CMTM4: variants seen among roughly 807,000 people sequenced by gnomAD.
CMTM4 encodes the protein CKLF-like MARVEL transmembrane domain-containing protein 4.
Under a neutral mutation model 19.0 loss-of-function variants are expected in CMTM4, and 8 were observed. The observed-to-expected ratio is 0.42, with a 90% CI of 0.25 to 0.76. The LOEUF (loss-of-function observed/expected upper bound fraction) is 0.76, where lower values mean the gene tolerates loss of function less well. CMTM4 is among the 30% of genes least tolerant of loss of function. The probability of loss-of-function intolerance (pLI) is 0.27; values close to 1 mark genes in which losing one functional copy is unlikely to be tolerated. For missense variants in CMTM4, 228 were observed against 290.2 expected, an observed-to-expected ratio of 0.79 and a Z score of 1.56; for synonymous variants, 106 against 121.1, an observed-to-expected ratio of 0.88 and a Z score of 0.82.
At chr16:66,610,090 G>A, downstream of CMTM4, 2 of 1,532,064 alleles carry the variant, frequency 1.3e-6, no homozygotes, top group Non-Finnish European at 1.8e-6. The surrounding 1 kb of genome is among the most constrained non-coding windows in gnomAD (Gnocchi z 4.6). Flanking sequence ...GGCTGGGGTG[G>A]GATCATTTCC....
the CMTM4 span, among the ~76,000 whole-genome samples, chr16:66,603,132 G>A: frequency 1.3e-5 from 2 of 152,172 alleles, no homozygotes; most frequent in Non-Finnish European, 2.9e-5. Context: ...AGAGCCTTGG[G>A]AGGCAGATGC....
chr16:66,696,320 G>C lies in CMTM4; in HGVS notation c.186+20C>G, dbSNP rs765711311. Reference sequence around the variant, plus strand: ...CGGCTAGGCCGCCCTCGGGCACCTGGGGCCCCGCCCGGCACCTACCACTTG... The same window carrying C: ...CGGCTAGGCCGCCCTCGGGCACCTGCGGCCCCGCCCGGCACCTACCACTTG... On this transcript the variant is annotated intron_variant, in intron 1 of 3. Transcript: ENST00000394106. This position sits in a 1 kb window ranked among gnomAD's most constrained non-coding sequence, Gnocchi z 4.3. 9.3e-4 allele frequency: 1,224 copies of C among 1,323,186 alleles called. 1 individual carries two copies. Among genetic ancestry groups the C allele is most frequent in the Non-Finnish European group, 1.1e-3 (1,128 of 1,039,428 alleles). The allele number at this position is 1,323,186 out of a possible 1,614,324, so 82.0% of individuals were successfully genotyped here.
intron 1 of CMTM4, among the ~76,000 whole-genome samples, chr16:66,660,033 T>A (rs1454456917): frequency 6.6e-6 from 1 of 152,162 alleles, no homozygotes; most frequent in African/African-American, 2.4e-5. Flanking sequence ...AGAAGATATA[T>A]AGATGGCAAA....
chr16:66,670,084 T>C (rs1237660884), intron 1 of CMTM4, among the ~76,000 whole-genome samples: 1 of 152,114 alleles, frequency 6.6e-6, no homozygotes, highest in African/African-American at 2.4e-5. Context: ...GTCTACTACA[T>C]GGAGCCAACC....
At chr16:66,654,532 C>G (rs2016364345) in intron 1 of CMTM4, among the ~76,000 whole-genome samples, 1 of 152,188 alleles carries the variant, frequency 6.6e-6, no homozygotes, top group Admixed American at 6.5e-5. Flanking sequence ...ACTGTTCCCC[C>G]ACAAACTGGG....
At chr16:66,674,297 G>A (rs2016765545) in intron 1 of CMTM4, among the ~76,000 whole-genome samples, 1 of 152,170 alleles carries the variant, frequency 6.6e-6, no homozygotes, top group Non-Finnish European at 1.5e-5. Context: ...CTCCCTCAAA[G>A]GCCTGGCTTA....
chr16:66,681,421 A>G (rs2016912176), intron 1 of CMTM4, among the ~76,000 whole-genome samples: 1 of 151,056 alleles, frequency 6.6e-6, no homozygotes. Flanking sequence ...GGTTCATGCC[A>G]TTCTCCTGCC....
intron 1 of CMTM4, among the ~76,000 whole-genome samples, chr16:66,679,410 C>T (rs2016866552): frequency 1.3e-5 from 2 of 152,132 alleles, no homozygotes; most frequent in Non-Finnish European, 2.9e-5. Flanking sequence ...CCCCCTTCTC[C>T]CCTGACTCTG....
chr16:66,625,234 A>G lies in CMTM4; in HGVS notation c.364-1732T>C, dbSNP rs575417714. On this transcript the variant is annotated intron_variant, in intron 2 of 3. Coordinates refer to ENST00000394106, the MANE Select transcript of CMTM4 (RefSeq NM_181521.3). ...CGGATCACCTGAGGTTGGGAGTTCGAGACCAGCCTGACCAACATGGAAAAA... is the reference window on the plus strand; with the variant it reads ...CGGATCACCTGAGGTTGGGAGTTCGGGACCAGCCTGACCAACATGGAAAAA... 7.9e-5 allele frequency among the ~76,000 whole-genome samples: 12 copies of G among 152,280 alleles called. No homozygotes were observed. In the South Asian group the frequency reaches 2.5e-3, roughly 32 times the overall value.
intron 1 of CMTM4, among the ~76,000 whole-genome samples, chr16:66,650,985 T>C (rs1368165080): frequency 1.3e-5 from 2 of 152,154 alleles, no homozygotes; most frequent in Non-Finnish European, 2.9e-5. Context: ...ACATTCGAAA[T>C]TCAAATGTCT....
intron 2 of CMTM4, among the ~76,000 whole-genome samples, chr16:66,632,286 C>A (rs2144802582): frequency 6.6e-6 from 1 of 152,274 alleles, no homozygotes; most frequent in Admixed American, 6.5e-5. Flanking sequence ...GTCCCAGGCT[C>A]CTGACCAGGG....
intron 1 of CMTM4, among the ~76,000 whole-genome samples, chr16:66,693,915 G>T (rs572822892): frequency 2.0e-5 from 3 of 152,214 alleles, no homozygotes; most frequent in Non-Finnish European, 1.5e-5. Flanking sequence ...CCAGCTACTT[G>T]GGAGGCTGAG....
At chr16:66,654,472 A>G (rs1198144578) in intron 1 of CMTM4, among the ~76,000 whole-genome samples, 3 of 152,076 alleles carry the variant, frequency 2.0e-5, no homozygotes, top group Admixed American at 1.3e-4. Context: ...ACACTCCCAA[A>G]TTCACCCTTC....
chr16:66,639,518 G>A (rs776011236), intron 1 of CMTM4, among the ~76,000 whole-genome samples: 2 of 152,074 alleles, frequency 1.3e-5, no homozygotes, highest in Non-Finnish European at 2.9e-5. Flanking sequence ...TAAGAACGAA[G>A]GAGAAAAATG....
chr16:66,660,840 T>G (rs1302657024), intron 1 of CMTM4, among the ~76,000 whole-genome samples: 1 of 152,176 alleles, frequency 6.6e-6, no homozygotes, highest in Non-Finnish European at 1.5e-5. Context: ...TTGGCTGCCC[T>G]GTCCCCATAG....
intron 1 of CMTM4, among the ~76,000 whole-genome samples, chr16:66,692,441 G>A (rs1355592952): frequency 2.0e-5 from 3 of 152,174 alleles, no homozygotes; most frequent in Admixed American, 1.3e-4. Context: ...TAATGTACAC[G>A]TGGATCACCT....
At chr16:66,601,852 G>A in the CMTM4 span, among the ~76,000 whole-genome samples, 3 of 152,230 alleles carry the variant, frequency 2.0e-5, no homozygotes, top group African/African-American at 7.2e-5. Context: ...TTGGGCAGCT[G>A]TAGCTGTGGG....
Position 66,642,444 on chromosome 16 carries a change from T to G in CMTM4, c.187-5863A>C, listed in dbSNP as rs1409226639. On this transcript the variant is annotated intron_variant, in intron 1 of 3. Coordinates refer to ENST00000394106, the MANE Select transcript of CMTM4 (RefSeq NM_181521.3). ...GATAAGTAAACTGGGCCAGGTACAG[T>G]GGCTCACACCTGTAATCCCAGCACT... 2.0e-5 allele frequency among the ~76,000 whole-genome samples: 3 copies of G among 152,186 alleles called. No homozygotes were observed. The East Asian group carries it at 5.8e-4, about 29-fold the overall frequency.
intron 2 of CMTM4, among the ~76,000 whole-genome samples, chr16:66,629,235 G>A (rs528053076): frequency 6.4e-4 from 98 of 152,126 alleles, no homozygotes; most frequent in African/African-American, 2.3e-3. Context: ...GTGCTAGGTG[G>A]CTGGCTCTAG....
Sources: allele counts gnomAD v4.1 joint callset (sites outside exome capture counted in the v4.1 genomes callset), GRCh38; gene constraint gnomAD v4.1.1; non-coding constraint Gnocchi (gnomAD v3.1); transcripts MANE v1.5; gene names NCBI Gene and HGNC (gene_info 2026-07-23, HGNC 2026-07-21).